Variants in ZMAT4 observed in about 807,000 individuals in gnomAD.
ZMAT4 encodes zinc finger matrin-type 4.
A neutral mutation model predicts 28.7 loss-of-function variants in ZMAT4; 17 were observed. The ratio of observed to expected loss-of-function variants is 0.59; its 90% CI spans 0.41 to 0.89. The LOEUF (loss-of-function observed/expected upper bound fraction) is 0.89. ZMAT4 is among the 40% of genes least tolerant of loss of function. ZMAT4 has a pLI of 0.00. For missense variants in ZMAT4, 240 were observed against 283.8 expected, an observed-to-expected ratio of 0.85 and a Z score of 1.11; for synonymous variants, 117 against 109.2, an observed-to-expected ratio of 1.07 and a Z score of -0.44.
intron 1 of ZMAT4, among the ~76,000 whole-genome samples, chr8:40,884,118 C>T (rs530408443): frequency 6.3e-4 from 96 of 152,266 alleles, no homozygotes; most frequent in African/African-American, 2.1e-3. Context: ...TGTCCTGTCT[C>T]GAAGCTTGTG....
intron 6 of ZMAT4, among the ~76,000 whole-genome samples, chr8:40,552,419 C>T (rs985491727): frequency 2.0e-5 from 3 of 152,138 alleles, no homozygotes; most frequent in Non-Finnish European, 4.4e-5. Context: ...TCCCTTATTC[C>T]TACTATCCAA....
intron 2 of ZMAT4, among the ~76,000 whole-genome samples, chr8:40,786,055 G>A (rs13256912): frequency 0.17 from 25,123 of 152,142 alleles, 2,588 homozygotes; most frequent in Middle Eastern, 0.25. Flanking sequence ...CAGCAGCCAA[G>A]GGGAGGCTGT....
chr8:40,762,140 C>G (rs1003020358), intron 3 of ZMAT4, among the ~76,000 whole-genome samples: 6 of 152,182 alleles, frequency 3.9e-5, no homozygotes, highest in Non-Finnish European at 8.8e-5. Context: ...CAACGTTACG[C>G]ACAATGTCCC....
At chr8:40,563,706 A>G (rs1803821608) in intron 6 of ZMAT4, among the ~76,000 whole-genome samples, 2 of 152,118 alleles carry the variant, frequency 1.3e-5, no homozygotes, top group South Asian at 4.1e-4. Flanking sequence ...GCTTGACTTG[A>G]TAAGGTATCT....
At chr8:40,715,710 G>C (rs976316259) in intron 3 of ZMAT4, among the ~76,000 whole-genome samples, 1 of 152,120 alleles carries the variant, frequency 6.6e-6, no homozygotes, top group Admixed American at 6.5e-5. Flanking sequence ...TCGCTCTTTG[G>C]AAGGAAGCCC....
chr8:40,584,402 G>C (rs552862165), intron 5 of ZMAT4, among the ~76,000 whole-genome samples: 24 of 152,090 alleles, frequency 1.6e-4, no homozygotes, highest in Non-Finnish European at 3.4e-4. Flanking sequence ...GACTGAGCTG[G>C]AGGAGGGGAC....
At chr8:40,672,793 C>A (rs1349647610) in intron 5 of ZMAT4, among the ~76,000 whole-genome samples, 1 of 152,126 alleles carries the variant, frequency 6.6e-6, no homozygotes. Context: ...TGCAGTTAGG[C>A]CTTCAGCTAT....
intron 4 of ZMAT4, among the ~76,000 whole-genome samples, chr8:40,690,162 T>A (rs1275449709): frequency 6.6e-6 from 1 of 152,178 alleles, no homozygotes; most frequent in Non-Finnish European, 1.5e-5. Flanking sequence ...TGGATTTAAA[T>A]CCTACTCGCT....
At chr8:40,861,121 G>A (rs879722484) in intron 1 of ZMAT4, among the ~76,000 whole-genome samples, 14 of 152,088 alleles carry the variant, frequency 9.2e-5, no homozygotes, top group Non-Finnish European at 1.5e-4. Context: ...CTTCCTCCTC[G>A]ATTAGTCTGA....
chr8:40,551,449 T>C (rs1458990764), intron 6 of ZMAT4, among the ~76,000 whole-genome samples: 1 of 152,220 alleles, frequency 6.6e-6, no homozygotes, highest in Non-Finnish European at 1.5e-5. Context: ...TTTAACATTT[T>C]GCAATTGTGT....
At chr8:40,752,643 C>T (rs1172763939) in intron 3 of ZMAT4, among the ~76,000 whole-genome samples, 1 of 152,178 alleles carries the variant, frequency 6.6e-6, no homozygotes, top group African/African-American at 2.4e-5. Flanking sequence ...TGGAAACCTC[C>T]TTTGGTCTTA....
At chr8:40,718,850 C>T (rs1308303167) in intron 3 of ZMAT4, among the ~76,000 whole-genome samples, 1 of 152,234 alleles carries the variant, frequency 6.6e-6, no homozygotes, top group East Asian at 1.9e-4. Context: ...AATTATCTCT[C>T]ATACTCTTGT....
chr8:40,748,730 A>C (rs1186368073), intron 3 of ZMAT4, among the ~76,000 whole-genome samples: 1 of 150,396 alleles, frequency 6.6e-6, no homozygotes, highest in Non-Finnish European at 1.5e-5. Flanking sequence ...ATTGACAATT[A>C]CTTAGGGCTT....
Position 40,835,432 on chromosome 8 carries a change from C to T in ZMAT4, c.-4-9752G>A, listed in dbSNP as rs528874194. On this transcript the variant is annotated intron_variant, in intron 1 of 6. Coordinates refer to ENST00000297737, the MANE Select transcript of ZMAT4 (RefSeq NM_024645.3). The stretch of plus-strand genomic sequence containing the variant: ...TCAACGGAGAAAAGCCTACGTGGGT[C>T]CCCCCACTTTGCTATGTATTGGCTA... Among the ~76,000 whole-genome samples the T allele has an allele frequency of 4.6e-5, 7 of 152,322 alleles. No homozygotes were observed. In the East Asian group the frequency reaches 7.7e-4, roughly 17 times the overall value.
In ZMAT4 at chr8:40,866,257, C is replaced by T. The variant is rs144930065; in HGVS notation, c.-5+31426G>A. 5.1e-4 allele frequency among the ~76,000 whole-genome samples: 78 copies of T among 152,316 alleles called. 2 individuals are homozygous for T. The East Asian group carries it at 0.013, about 26-fold the overall frequency. Reference sequence around the variant, plus strand: ...TTCTGGTTTTAAGAATTGGTGGGCACAAGAGGACTTAGGGCTATGGGCACA... The same window carrying T: ...TTCTGGTTTTAAGAATTGGTGGGCATAAGAGGACTTAGGGCTATGGGCACA... On this transcript the variant is annotated intron_variant, in intron 1 of 6. Coordinates refer to ENST00000297737, the MANE Select transcript of ZMAT4 (RefSeq NM_024645.3).
chr8:40,816,771 A>G (rs1408976288), intron 2 of ZMAT4, among the ~76,000 whole-genome samples: 2 of 152,200 alleles, frequency 1.3e-5, no homozygotes, highest in Non-Finnish European at 2.9e-5. Flanking sequence ...CTAATTGTCT[A>G]TTTTAGTGTT....
At chr8:40,791,455 C>T (rs1409769518) in intron 2 of ZMAT4, among the ~76,000 whole-genome samples, 1 of 152,214 alleles carries the variant, frequency 6.6e-6, no homozygotes, top group African/African-American at 2.4e-5. Context: ...TTCATGTATA[C>T]TATCAATAGC....
chr8:40,618,847 T>C (rs373685213), intron 5 of ZMAT4, among the ~76,000 whole-genome samples: 1 of 152,202 alleles, frequency 6.6e-6, no homozygotes, highest in South Asian at 2.1e-4. Context: ...CCAGAAGCGA[T>C]GGATTCAAGG....
chr8:40,579,960 G>A (rs1258939827), intron 6 of ZMAT4, among the ~76,000 whole-genome samples: 1 of 151,218 alleles, frequency 6.6e-6, no homozygotes, highest in Non-Finnish European at 1.5e-5. Flanking sequence ...GGTTTACACA[G>A]CTGTTTCCTC....
Sources: gnomAD v4.1 joint callset for allele counts (sites outside exome capture counted in the v4.1 genomes callset) on GRCh38, gnomAD v4.1.1 for gene constraint, MANE v1.5 for transcripts, NCBI Gene and HGNC (gene_info 2026-07-23, HGNC 2026-07-21) for gene names.